Variants in ABCA7 observed in about 807,000 individuals in gnomAD.
ABCA7 encodes phospholipid-transporting ATPase ABCA7.
Under a neutral mutation model 227.6 loss-of-function variants are expected in ABCA7, and 261 were observed. The ratio of observed to expected loss-of-function variants is 1.15; its 90% CI spans 1.04 to 1.27. The LOEUF (loss-of-function observed/expected upper bound fraction) is 1.27, where lower values mean the gene tolerates loss of function less well. Among genes scored for constraint, ABCA7 ranks in the 50% most tolerant of loss-of-function variants. The pLI is 0.00. For synonymous variants in ABCA7, 1,488 were observed against 1,279.7 expected, an observed-to-expected ratio of 1.16 and a Z score of -3.47; for missense variants, 3,331 against 2,924.5, an observed-to-expected ratio of 1.14 and a Z score of -3.21.
At chr19:1,055,402 G>A (rs2042158064) in intron 30 of ABCA7, 51 bp downstream of exon 30, 2 of 1,496,134 alleles carry the variant, frequency 1.3e-6, no homozygotes, top group Non-Finnish European at 8.9e-7. Context: ...TGGGTCCTTG[G>A]GTTGCTGGGG....
chr19:1,058,467 G>A (rs2042434956), intron 37 of ABCA7, 151 bp from the exon 38 acceptor site: 1 of 1,422,876 alleles, frequency 7.0e-7, no homozygotes, highest in African/African-American at 1.5e-5. Flanking sequence ...ATCACAAGAG[G>A]CCTCTTCTGT....
At position 1,065,065 on chromosome 19, in the gene ABCA7, C is replaced by G. The variant is rs1188738737; in HGVS notation, c.6179C>G (p.Pro2060Arg). 1.2e-5 allele frequency: 18 copies of G among 1,563,528 alleles called. No individual in the cohort carries two copies. The highest frequency in any genetic ancestry group is 3.7e-5 in the Admixed American group (2 of 53,508). The change falls in exon 46 of 47, where the codon CCG becomes CGG. Residue 2060 changes from proline to arginine, a missense_variant. Transcript: ENST00000263094. ...GGAGGCCGCCTGCGCTTCCAGCTGC[C>G]GCCGGGAGGGCGCTGCGCCCTGGCG... ...AHGGRLRFQLPPGGRCALARV... is the reference protein window; with the variant it reads ...AHGGRLRFQLRPGGRCALARV...
rs2041953355 is a variant in ABCA7, at chr19:1,053,423, C to T, written c.3315C>T (p.Tyr1105=). Residue 1105 remains tyrosine, a synonymous_variant, in exon 24 of 47, where the codon TAC becomes TAT. Coordinates refer to ENST00000263094, the MANE Select transcript of ABCA7 (RefSeq NM_019112.4). ...ACGAGCTGGTGCTGGTGCTGCCCTACACGGGTGCCCATGACGGCAGCTTCG... is the reference window on the plus strand; with the variant it reads ...ACGAGCTGGTGCTGGTGCTGCCCTATACGGGTGCCCATGACGGCAGCTTCG... The part of the protein sequence containing the change: ...LPHELVLVLP[Y]TGAHDGSFAT... 1 of 1,606,842 alleles carries T rather than the reference C, an allele frequency of 6.2e-7. No homozygotes were observed.
Position 1,043,932 on chromosome 19 carries a change from C to G in ABCA7, c.1047+91C>G, listed in dbSNP as rs118021271. ...ATGGGAAGGTGGGCTCCGTGCAGAC[C>G]CCCACTTTTTTTTTTTTTTTTTTGA... On this transcript the variant is annotated intron_variant, in intron 10 of 46. Transcript: ENST00000263094. 22 of 1,059,190 alleles carry G rather than the reference C, an allele frequency of 2.1e-5. No individual in the cohort carries two copies. In the Admixed American group the frequency reaches 3.9e-4, roughly 19 times the overall value. 65.6% of individuals were successfully genotyped at this position (1,059,190 alleles called of 1,614,324 possible).
chr19:1,048,750 A>C (rs1205535536), intron 16 of ABCA7, 145 bp from the exon 17 acceptor site: 1 of 451,602 alleles, frequency 2.2e-6, no homozygotes, highest in Non-Finnish European at 4.0e-6. Context: ...CGGAGCTTGC[A>C]GCGAGTCAAA....
Position 1,045,159 on chromosome 19 carries a change from GC to G in ABCA7, c.1377del (p.Gly460AlafsTer34), listed in dbSNP as rs2040487943. The G allele has an allele frequency of 1.9e-6, 3 of 1,611,222 alleles. No individual in the cohort carries two copies. In the East Asian group the frequency reaches 6.7e-5, roughly 36 times the overall value. ...ACAGAGCACCCAACCCCAGACCTGG[GC>G]CCCGGCCACGTGCGCATCAAAATCC... is the stretch of plus-strand genomic sequence containing the variant. ...DPTEHPTPDL[G>X]PGHVRIKIRM... On this transcript the variant is annotated frameshift_variant, in exon 12 of 47. Transcript: ENST00000263094. LOFTEE classifies it high-confidence loss of function.
In ABCA7 at chr19:1,042,346, G is replaced by A. The variant is rs751102411; in HGVS notation, c.447G>A (p.Leu149=). 6.3e-7 allele frequency: 1 copy of A among 1,593,936 alleles called. No homozygotes were observed. The highest frequency in any genetic ancestry group is 8.6e-7 in the Non-Finnish European group (1 of 1,166,388). The change falls in exon 6 of 47, where the codon CTG becomes CTA. Residue 149 remains leucine, a synonymous_variant. Transcript: ENST00000263094. ...AQPQPTKQSP[L]EPPMLDVAEL... Reference sequence around the variant, plus strand: ...CTCAACCAACCAAGCAGTCTCCACTGGAACCACCCATGCTGGATGTCGCGG... The same window carrying A: ...CTCAACCAACCAAGCAGTCTCCACTAGAACCACCCATGCTGGATGTCGCGG...
At chr19:1,055,426 G>C in intron 30 of ABCA7, 75 bp downstream of exon 30, 1 of 1,458,646 alleles carries the variant, frequency 6.9e-7, no homozygotes. Context: ...GTGTGGTCCT[G>C]GAGGAGGAAG....
In ABCA7 at chr19:1,054,989, G is replaced by C; in HGVS notation, c.3951-108G>C. 6.5e-7 allele frequency: 1 copy of C among 1,530,592 alleles called. No homozygotes were observed. The highest frequency in any genetic ancestry group is 8.8e-7 in the Non-Finnish European group (1 of 1,136,604). The allele number at this position is 1,530,592 out of a possible 1,614,324, so 94.8% of individuals were successfully genotyped here. A position where few individuals can be genotyped will look rare whatever the true frequency, so the allele number is the denominator to read the frequency against. ...CCTGGAGCATCCCCTGTGCCCACCT[G>C]GGAGCTGGGAGCCTCTGTGGCTCCA... On this transcript the variant is annotated intron_variant, in intron 29 of 46. Coordinates refer to ENST00000263094, the MANE Select transcript of ABCA7 (RefSeq NM_019112.4). The surrounding 1 kb of genome is among the most constrained non-coding windows in gnomAD (Gnocchi z 4.8).
At position 1,054,347 on chromosome 19, in the gene ABCA7, G is replaced by C. The variant is rs2042053004; in HGVS notation, c.3726+6G>C. On this transcript the variant is annotated splice_donor_region_variant and intron_variant, in intron 27 of 46. Coordinates refer to ENST00000263094, the MANE Select transcript of ABCA7 (RefSeq NM_019112.4). The surrounding 1 kb of genome is among the most constrained non-coding windows in gnomAD (Gnocchi z 4.8). ...GCCGCGGCCTGTTCGCCCAGGTGAG[G>C]AGGGCTAGCACCAGGGAGTCGCATG... 6.3e-7 allele frequency: 1 copy of C among 1,592,402 alleles called. No individual in the cohort carries two copies. The highest frequency in any genetic ancestry group is 1.7e-5 in the Admixed American group (1 of 59,164).
chr19:1,057,956 TCTC>T lies in ABCA7; in HGVS notation c.4924_4926del (p.Ser1642del). On this transcript the variant is annotated inframe_deletion, in exon 36 of 47. Coordinates refer to ENST00000263094, the MANE Select transcript of ABCA7 (RefSeq NM_019112.4). Reference sequence around the variant, plus strand: ...CTCATGTACCCAGCCTCCTTCTTCTTCTCCGTGCCCAGCACAGCCTATGTGGTG... The same window carrying T: ...CTCATGTACCCAGCCTCCTTCTTCTTCGTGCCCAGCACAGCCTATGTGGTG... 1 of 1,614,012 alleles carries T rather than the reference TCTC, an allele frequency of 6.2e-7. No individual in the cohort carries two copies. The highest frequency in any genetic ancestry group is 8.5e-7 in the Non-Finnish European group (1 of 1,180,012).
intron 17 of ABCA7, 91 bp from the exon 18 acceptor site, chr19:1,049,175 C>A: frequency 7.0e-7 from 1 of 1,433,890 alleles, no homozygotes; most frequent in Non-Finnish European, 9.5e-7. Flanking sequence ...CCCGGCCCAG[C>A]AGGTCCCGGA....
intron 30 of ABCA7, 92 bp downstream of exon 30, chr19:1,055,443 G>T (rs2042160495): frequency 7.0e-6 from 10 of 1,419,134 alleles, no homozygotes; most frequent in East Asian, 5.0e-5. Flanking sequence ...GAAGTGGAGG[G>T]GTTGGATGCC....
rs2040051255 is a variant in ABCA7 at position 1,041,666 on chromosome 19, C to T, written c.160+63C>T. 3.2e-6 allele frequency: 5 copies of T among 1,581,526 alleles called. No individual in the cohort carries two copies. The East Asian group carries it at 1.1e-4, about 35-fold the overall frequency. The stretch of plus-strand genomic sequence containing the variant: ...GGGGAAGGCAGATGGCTCACCCGTG[C>T]ACAGGAATCCCCCGTGCATGTCAGG... On this transcript the variant is annotated intron_variant, in intron 3 of 46. Transcript: ENST00000263094.
intron 40 of ABCA7, among the ~76,000 whole-genome samples, chr19:1,060,208 T>TATA (rs1555699222): frequency 0.25 from 29,761 of 118,534 alleles, 3,526 homozygotes; most frequent in East Asian, 0.34. Context: ...TATATATATA[T>TATA]TTTTTTTTCT....
At chr19:1,040,774 A>G (rs10406449) in intron 1 of ABCA7, among the ~76,000 whole-genome samples, 15,445 of 152,152 alleles carry the variant, frequency 0.1, 1,538 homozygotes, top group African/African-American at 0.26. Flanking sequence ...CCAGCTGGGC[A>G]ACTGCCTGTC....
At chr19:1,044,854 C>G in intron 11 of ABCA7, 110 bp downstream of exon 11, 1 of 1,469,026 alleles carries the variant, frequency 6.8e-7, no homozygotes, top group Non-Finnish European at 9.1e-7. Context: ...CTAGTAAGAG[C>G]CTGGGATTTG....
At position 1,054,552 on chromosome 19, in the gene ABCA7, G is replaced by A; in HGVS notation, c.3727-18G>A. On this transcript the variant is annotated intron_variant, in intron 27 of 46. Transcript: ENST00000263094. The surrounding 1 kb of genome is among the most constrained non-coding windows in gnomAD (Gnocchi z 4.8). ...TGGAGGGTGGATGGAAGCAGCAGCT[G>A]ATGGGCTGGTCCCCCAGATCGTGCT... 1.2e-6 allele frequency: 2 copies of A among 1,605,028 alleles called. No individual in the cohort carries two copies. The highest frequency in any genetic ancestry group is 1.3e-5 in the African/African-American group (1 of 74,904).
Position 1,063,636 on chromosome 19 carries a change from G to T in ABCA7, c.5805G>T (p.Ala1935=), listed in dbSNP as rs1300438071. The T allele has an allele frequency of 1.9e-6, 3 of 1,610,812 alleles. No individual in the cohort carries two copies. Among genetic ancestry groups the T allele is most frequent in the African/African-American group, 2.7e-5 (2 of 74,926 alleles). The change falls in exon 43 of 47, where the codon GCG becomes GCT. Residue 1935 remains alanine, a synonymous_variant. Coordinates refer to ENST00000263094, the MANE Select transcript of ABCA7 (RefSeq NM_019112.4). ...TYSGGNKRKL[A]TALALVGDPA... ...GCGGAGGGAACAAACGCAAGCTGGC[G>T]ACGGCCCTGGCGCTGGTTGGGGACC...
Sources: allele counts gnomAD v4.1 joint callset (sites outside exome capture counted in the v4.1 genomes callset), GRCh38; gene constraint gnomAD v4.1.1; non-coding constraint Gnocchi (gnomAD v3.1); transcripts MANE v1.5; gene names NCBI Gene and HGNC (gene_info 2026-07-23, HGNC 2026-07-21).